MAGI2: variants seen among roughly 807,000 people sequenced by gnomAD.
MAGI2 encodes membrane associated guanylate kinase, WW and PDZ domain containing 2, also known as membrane-associated guanylate kinase, WW and PDZ domain-containing protein 2.
MAGI2 carries 35 observed loss-of-function variants against 133.3 expected under a neutral mutation model. The ratio of observed to expected loss-of-function variants is 0.26; its 90% CI spans 0.20 to 0.35. The LOEUF is 0.35. Among genes scored for constraint, MAGI2 ranks in the 10% least tolerant of loss-of-function variants. MAGI2 has a pLI of 1.00. For missense variants in MAGI2, 1,636 were observed against 1,863.4 expected (o/e 0.88, Z 2.25); for synonymous variants, 729 against 710.6 (o/e 1.03, Z -0.41).
intron 2 of MAGI2, among the ~76,000 whole-genome samples, chr7:78,974,868 C>T (rs182778817): frequency 1.5e-4 from 23 of 151,786 alleles, no homozygotes; most frequent in South Asian, 6.2e-4. Context: ...TAACAATTAT[C>T]GAAAGTTTGA....
intron 6 of MAGI2, among the ~76,000 whole-genome samples, chr7:78,434,181 T>A (rs775626366): frequency 6.6e-6 from 1 of 152,170 alleles, no homozygotes; most frequent in Non-Finnish European, 1.5e-5. Context: ...CAGGCAGATA[T>A]TCTGTGCATT....
chr7:79,028,099 C>T (rs144534831), intron 1 of MAGI2, among the ~76,000 whole-genome samples: 7,546 of 151,272 alleles, frequency 0.05, 246 homozygotes, highest in Non-Finnish European at 0.079. Flanking sequence ...GTAGTCCCAA[C>T]TACTCAGCAG....
At chr7:79,069,782 T>C (rs1814767817) in intron 1 of MAGI2, among the ~76,000 whole-genome samples, 2 of 152,324 alleles carry the variant, frequency 1.3e-5, no homozygotes, top group South Asian at 4.1e-4. Context: ...CTTCAGGAGC[T>C]CTTGAAAGGC....
chr7:78,429,849 GTAT>G (rs1464475043), intron 6 of MAGI2, among the ~76,000 whole-genome samples: 6 of 152,050 alleles, frequency 3.9e-5, no homozygotes, highest in Non-Finnish European at 5.9e-5. Flanking sequence ...AAAGATATAG[GTAT>G]TATAAGTATT....
chr7:79,185,801 G>A (rs1279086561), intron 1 of MAGI2, among the ~76,000 whole-genome samples: 1 of 151,734 alleles, frequency 6.6e-6, no homozygotes, highest in Non-Finnish European at 1.5e-5. Context: ...AGAAAATCCT[G>A]CTGATGGATG....
At chr7:78,071,775 T>C (rs1814737539) in intron 21 of MAGI2, among the ~76,000 whole-genome samples, 1 of 152,216 alleles carries the variant, frequency 6.6e-6, no homozygotes, top group Admixed American at 6.5e-5. Flanking sequence ...AAGGTGTTCT[T>C]GAGTGATTTG....
At chr7:78,525,148 T>C (rs1796843145) in intron 3 of MAGI2, among the ~76,000 whole-genome samples, 1 of 152,194 alleles carries the variant, frequency 6.6e-6, no homozygotes, top group Non-Finnish European at 1.5e-5. Flanking sequence ...TCTATAAGTG[T>C]ATGAAATACA....
chr7:78,384,201 C>T (rs918634053), intron 6 of MAGI2, among the ~76,000 whole-genome samples: 3 of 151,936 alleles, frequency 2.0e-5, no homozygotes, highest in Non-Finnish European at 2.9e-5. Flanking sequence ...GTCATTTTAC[C>T]AATGGCATTA....
chr7:78,832,677 C>A (rs919168571), intron 2 of MAGI2, among the ~76,000 whole-genome samples: 17 of 152,140 alleles, frequency 1.1e-4, no homozygotes, highest in African/African-American at 3.9e-4. Flanking sequence ...GTAAGGAGAC[C>A]CCTGAAACTA....
intron 1 of MAGI2, among the ~76,000 whole-genome samples, chr7:79,121,280 C>A (rs1278748184): frequency 6.6e-6 from 1 of 152,082 alleles, no homozygotes; most frequent in Non-Finnish European, 1.5e-5. Context: ...TCAAAAGCAA[C>A]CCATTCAGTG....
chr7:79,272,830 C>T (rs1013278042), intron 1 of MAGI2, among the ~76,000 whole-genome samples: 1 of 152,158 alleles, frequency 6.6e-6, no homozygotes, highest in Non-Finnish European at 1.5e-5. Context: ...TCCTGCTCCT[C>T]TTTACATTTT....
chr7:78,159,114 C>G (rs1231404852), intron 16 of MAGI2, among the ~76,000 whole-genome samples: 3 of 152,142 alleles, frequency 2.0e-5, no homozygotes, highest in Admixed American at 2.0e-4. Context: ...CCTGAATGCT[C>G]GGGGAGACTG....
chr7:79,157,627 T>A (rs1488696299), intron 1 of MAGI2, among the ~76,000 whole-genome samples: 1 of 151,934 alleles, frequency 6.6e-6, no homozygotes, highest in Non-Finnish European at 1.5e-5. Flanking sequence ...ATGACCCCCT[T>A]TCAAGCATTC....
At chr7:78,974,555 T>C (rs1804071392) in intron 2 of MAGI2, among the ~76,000 whole-genome samples, 1 of 151,922 alleles carries the variant, frequency 6.6e-6, no homozygotes, top group East Asian at 1.9e-4. Flanking sequence ...AAGGTAACAT[T>C]TTCTCCTTTA....
chr7:78,640,003 C>T (rs921348612), intron 2 of MAGI2, among the ~76,000 whole-genome samples: 1 of 152,114 alleles, frequency 6.6e-6, no homozygotes, highest in African/African-American at 2.4e-5. Flanking sequence ...TGATTTCTGC[C>T]TTTTTTGAGA....
chr7:78,047,145 G>T (rs1811518833), intron 21 of MAGI2, among the ~76,000 whole-genome samples: 1 of 152,216 alleles, frequency 6.6e-6, no homozygotes, highest in African/African-American at 2.4e-5. Context: ...TGGGGGTTCT[G>T]TGCTCTCTGT....
intron 2 of MAGI2, among the ~76,000 whole-genome samples, chr7:78,784,790 G>A (rs1826675217): frequency 6.6e-6 from 1 of 152,192 alleles, no homozygotes; most frequent in East Asian, 1.9e-4. Flanking sequence ...TGGCTGCTGT[G>A]TCAAGTAAAG....
rs550173146 is a variant in MAGI2 at position 78,796,916 on chromosome 7, G to A, written c.419-169677C>T. Among the ~76,000 whole-genome samples, 312 of 152,124 alleles carry A rather than the reference G, an allele frequency of 2.1e-3. 1 individual carries two copies. Among genetic ancestry groups the A allele is most frequent in the Non-Finnish European group, 3.9e-3 (263 of 67,994 alleles). ...ATTGCATGTTCTCACTCTTATGTGG[G>A]AGCTACAAAAGTGGATTTCACAGAG... On this transcript the variant is annotated intron_variant, in intron 2 of 21. Coordinates refer to ENST00000354212, the MANE Select transcript of MAGI2 (RefSeq NM_012301.4).
intron 6 of MAGI2, among the ~76,000 whole-genome samples, chr7:78,431,999 T>A (rs947130953): frequency 1.4e-4 from 21 of 152,222 alleles, no homozygotes; most frequent in Non-Finnish European, 2.5e-4. Flanking sequence ...ATAAAAATTA[T>A]ACCAAATCTT....
Sources: gnomAD v4.1 joint callset for allele counts (sites outside exome capture counted in the v4.1 genomes callset) on GRCh38, gnomAD v4.1.1 for gene constraint, MANE v1.5 for transcripts, NCBI Gene and HGNC (gene_info 2026-07-23, HGNC 2026-07-21) for gene names.